The following C4BPA variants were observed in gnomAD, a reference collection of about 807,000 sequenced individuals.
The protein encoded by C4BPA is C4b-binding protein alpha chain.
C4BPA carries 31 observed loss-of-function variants against 63.7 expected under a neutral mutation model. The ratio of observed to expected loss-of-function variants is 0.49; its 90% confidence interval spans 0.37 to 0.66. C4BPA has a LOEUF of 0.66. Among genes scored for constraint, C4BPA ranks in the 30% least tolerant of loss-of-function variants. C4BPA has a pLI of 0.00. For missense variants in C4BPA, 572 were observed against 723.3 expected, an observed-to-expected ratio of 0.79 and a Z score of 2.40; for synonymous variants, 259 against 254.7, an observed-to-expected ratio of 1.02 and a Z score of -0.16.
In C4BPA at chr1:207,130,709, T is replaced by C. The variant is rs868255767; in HGVS notation, c.890-837T>C. 5.3e-5 allele frequency among the ~76,000 whole-genome samples: 8 copies of C among 152,204 alleles called. 1 individual carries two copies. The Middle Eastern group carries it at 0.014, about 259-fold the overall frequency. On this transcript the variant is annotated intron_variant, in intron 7 of 11. Transcript: ENST00000367070. ...AAATAAGCCAGTCACAAAAAGTACA[T>C]GTATTGTGTGATTCCATTTATTTAA...
At chr1:207,132,098 T>TG (rs1439910903) in intron 8 of C4BPA, among the ~76,000 whole-genome samples, 1 of 152,158 alleles carries the variant, frequency 6.6e-6, no homozygotes, top group African/African-American at 2.4e-5. Flanking sequence ...GTATGGGCTT[T>TG]GGGGTGTTTG....
chr1:207,105,219 T>A (rs566895012), intron 1 of C4BPA, among the ~76,000 whole-genome samples: 1 of 152,238 alleles, frequency 6.6e-6, no homozygotes, highest in African/African-American at 2.4e-5. Flanking sequence ...CTTAGAGATA[T>A]GTTTGAATGT....
Position 207,126,821 on chromosome 1 carries a change from T to C in C4BPA, c.815T>C (p.Val272Ala). The C allele has an allele frequency of 2.5e-6, 4 of 1,613,596 alleles. No homozygotes were observed. Among genetic ancestry groups the C allele is most frequent in the Non-Finnish European group, 3.4e-6 (4 of 1,179,692 alleles). ...TIVFKCQKGF[V>A]LRGSSVIHCD... ...GTGTTTAAGTGCCAAAAAGGTTTTG[T>C]TCTCAGAGGCAGCAGTGTAATTCAT... Residue 272 changes from valine (V) to alanine (A), a missense_variant, in exon 7 of 12, where the codon GTT (valine) becomes GCT (alanine). Physicochemically the swap from Val to Ala is moderately conservative, Grantham distance 64 (BLOSUM62 0). Transcript: ENST00000367070.
chr1:207,130,454 A>T (rs1045761413), intron 7 of C4BPA, among the ~76,000 whole-genome samples: 3 of 152,200 alleles, frequency 2.0e-5, no homozygotes, highest in African/African-American at 7.2e-5. Context: ...CTGGGTATCT[A>T]CCCAAGATAA....
At chr1:207,123,892 C>T (rs7415033) in intron 4 of C4BPA, 30 bp from the exon 5 acceptor site, 4 of 1,294,962 alleles carry the variant, frequency 3.1e-6, no homozygotes, top group Non-Finnish European at 3.3e-6. Context: ...AGGAGGAATT[C>T]CATTAAAATC....
intron 9 of C4BPA, among the ~76,000 whole-genome samples, chr1:207,137,557 A>G (rs1381902011): frequency 3.3e-5 from 5 of 152,104 alleles, no homozygotes; most frequent in African/African-American, 1.2e-4. Flanking sequence ...GAAGAAAGGA[A>G]TATCTGGTTT....
intron 1 of C4BPA, 43 bp from the exon 2 acceptor site, chr1:207,112,958 T>C (rs1684700092): frequency 1.3e-6 from 2 of 1,497,024 alleles, no homozygotes; most frequent in East Asian, 4.7e-5. Context: ...TTATGACAAG[T>C]TGGAATTCAA....
intron 1 of C4BPA, among the ~76,000 whole-genome samples, chr1:207,110,464 G>T (rs1485834050): frequency 6.6e-6 from 1 of 152,146 alleles, no homozygotes; most frequent in Non-Finnish European, 1.5e-5. Context: ...ATTTATCAAA[G>T]TATCAATTTA....
intron 4 of C4BPA, among the ~76,000 whole-genome samples, chr1:207,121,087 C>T (rs1488304618): frequency 6.6e-6 from 1 of 152,164 alleles, no homozygotes; most frequent in African/African-American, 2.4e-5. Context: ...AGATTACAGG[C>T]ATGAGCCACT....
intron 11 of C4BPA, among the ~76,000 whole-genome samples, chr1:207,144,199 GA>G (rs1366594902): frequency 3.3e-5 from 5 of 152,086 alleles, no homozygotes; most frequent in African/African-American, 4.8e-5. Flanking sequence ...TTGAGAACAG[GA>G]AAAACTGAGC....
rs962052751 is a variant in C4BPA, at chr1:207,104,377, G to T, written c.-79G>T. On this transcript the variant is annotated 5_prime_UTR_variant, in exon 1 of 12. Coordinates refer to ENST00000367070, the MANE Select transcript of C4BPA (RefSeq NM_000715.4). ...AGATCAAGGCAGTTTTCTTCTTTGA[G>T]AAACTATCCCAGATATCATCATAGA... The T allele has an allele frequency of 5.3e-5, 8 of 152,164 alleles. No individual in the cohort carries two copies. The highest frequency in any genetic ancestry group is 1.9e-4 in the African/African-American group (8 of 41,436). The allele number at this position is 152,164 out of a possible 1,614,324, so 9.4% of individuals were successfully genotyped here.
chr1:207,110,602 C>A (rs1469887635), intron 1 of C4BPA, among the ~76,000 whole-genome samples: 2 of 151,482 alleles, frequency 1.3e-5, no homozygotes, highest in Non-Finnish European at 2.9e-5. Flanking sequence ...CCAGCCTGGG[C>A]AACATAGTAA....
Position 207,129,317 on chromosome 1 carries a change from A to G in C4BPA, c.890-2229A>G, listed in dbSNP as rs182066317. Among the ~76,000 whole-genome samples, 555 of 151,630 alleles carry G rather than the reference A, an allele frequency of 3.7e-3. 4 individuals are homozygous for G. The highest frequency in any genetic ancestry group is 0.013 in the African/African-American group (529 of 41,438). ...GTGGGACACCATTAAGTGTACCAAC[A>G]TATGTATAATGAGAGTCCCAGAAAG... On this transcript the variant is annotated intron_variant, in intron 7 of 11. Transcript: ENST00000367070.
At chr1:207,122,350 G>T (rs760212286) in intron 4 of C4BPA, among the ~76,000 whole-genome samples, 4 of 152,118 alleles carry the variant, frequency 2.6e-5, no homozygotes, top group Non-Finnish European at 5.9e-5. Flanking sequence ...TATAGGTACT[G>T]CTGCACTATC....
intron 4 of C4BPA, 109 bp from the exon 5 acceptor site, chr1:207,123,813 T>C (rs1684969239): frequency 1.5e-6 from 1 of 664,484 alleles, no homozygotes. Context: ...TCCAAGAACA[T>C]ATGATTTCCT....
At chr1:207,115,725 A>C (rs1242327396) in intron 4 of C4BPA, among the ~76,000 whole-genome samples, 1 of 152,224 alleles carries the variant, frequency 6.6e-6, no homozygotes, top group Non-Finnish European at 1.5e-5. Context: ...GTTTCCTTAT[A>C]TAAATACAAG....
intron 1 of C4BPA, among the ~76,000 whole-genome samples, chr1:207,105,416 G>A (rs1684538522): frequency 6.6e-6 from 1 of 152,030 alleles, no homozygotes; most frequent in African/African-American, 2.4e-5. Flanking sequence ...AATTAGCCAG[G>A]CATGGTGGCA....
intron 9 of C4BPA, among the ~76,000 whole-genome samples, chr1:207,137,325 G>A (rs1347536631): frequency 2.6e-5 from 4 of 152,222 alleles, no homozygotes; most frequent in African/African-American, 4.8e-5. Flanking sequence ...GGTTAAGGAC[G>A]CGCCTGCGAC....
At chr1:207,121,631 T>G (rs1439800239) in intron 4 of C4BPA, among the ~76,000 whole-genome samples, 2 of 152,108 alleles carry the variant, frequency 1.3e-5, no homozygotes, top group African/African-American at 2.4e-5. Flanking sequence ...TTTATCATAT[T>G]ATTTCATATT....
Sources: allele counts gnomAD v4.1 joint callset (sites outside exome capture counted in the v4.1 genomes callset), GRCh38; gene constraint gnomAD v4.1.1; transcripts MANE v1.5; gene names NCBI Gene and HGNC (gene_info 2026-07-23, HGNC 2026-07-21).